NCS1: variants seen among roughly 807,000 people sequenced by gnomAD.
NCS1 encodes neuronal calcium sensor 1, also known as frequenin homolog.
In NCS1, 6 loss-of-function variants were observed where a neutral mutation model predicts 28.4. The ratio of observed to expected loss-of-function variants is 0.21; its 90% CI spans 0.12 to 0.42. The LOEUF is 0.42. Ranked by LOEUF, NCS1 falls within the 10% of genes least tolerant of loss-of-function variation. The pLI, the probability that NCS1 is intolerant of heterozygous loss-of-function variation, is 1.00. For synonymous variants in NCS1, 86 were observed against 99.3 expected (o/e 0.87, Z 0.79); for missense variants, 131 against 241.4 (o/e 0.54, Z 3.03).
intron 4 of NCS1, among the ~76,000 whole-genome samples, chr9:130,221,282 C>A (rs1267977310): frequency 2.7e-5 from 4 of 148,850 alleles, no homozygotes; most frequent in Non-Finnish European, 5.9e-5. Context: ...CCTTGGCCTT[C>A]CAAAGTGCTG....
rs1338249004 is a variant in NCS1 at position 130,192,696 on chromosome 9, C to T, written c.65-8262C>T. Among the ~76,000 whole-genome samples the T allele has an allele frequency of 1.3e-5, 2 of 152,090 alleles. No individual in the cohort carries two copies. The highest frequency in any genetic ancestry group is 4.8e-5 in the African/African-American group (2 of 41,406). On this transcript the variant is annotated intron_variant, in intron 1 of 7. Coordinates refer to ENST00000372398, the MANE Select transcript of NCS1 (RefSeq NM_014286.4). The surrounding 1 kb of genome is among the most constrained non-coding windows in gnomAD (Gnocchi z 4.8). ...GCCTTCTGAAATCACCTGATGCTGC[C>T]GTGTGACTCCAGGGAGGTTCTCCCC...
chr9:130,184,489 T>TA (rs1252667306), intron 1 of NCS1, among the ~76,000 whole-genome samples: 5 of 152,178 alleles, frequency 3.3e-5, no homozygotes, highest in African/African-American at 1.2e-4. Context: ...CCCAGGCTTT[T>TA]AATCCCTCCT....
At chr9:130,208,834 G>T (rs1554908399) in intron 2 of NCS1, among the ~76,000 whole-genome samples, 1 of 152,168 alleles carries the variant, frequency 6.6e-6, no homozygotes, top group Non-Finnish European at 1.5e-5. Context: ...TGAAGAGACT[G>T]AGGCTCAGAA....
chr9:130,186,604 C>T lies in NCS1; in HGVS notation c.64+13877C>T, dbSNP rs1440121648. 2.0e-5 allele frequency among the ~76,000 whole-genome samples: 3 copies of T among 152,134 alleles called. No homozygotes were observed. The highest frequency in any genetic ancestry group is 4.8e-5 in the African/African-American group (2 of 41,422). ...TCCAGGGCTCCCGAACCCCCAGCCC[C>T]AGGAAGGGGTGGGAGACACAGAGCT... is the stretch of plus-strand genomic sequence containing the variant. On this transcript the variant is annotated intron_variant, in intron 1 of 7. Transcript: ENST00000372398. This position sits in a 1 kb window ranked among gnomAD's most constrained non-coding sequence, Gnocchi z 4.1.
Position 130,237,295 on chromosome 9 carries a change from T to A in NCS1, c.*4323T>A, listed in dbSNP as rs2131170485. ...GCCAATTAAACACGCTTCCTGGACTTGTCCTCGCCTCCCTGTGTGGGCCTG... is the reference window on the plus strand; with the variant it reads ...GCCAATTAAACACGCTTCCTGGACTAGTCCTCGCCTCCCTGTGTGGGCCTG... On this transcript the variant is annotated 3_prime_UTR_variant, in exon 8 of 8. Transcript: ENST00000372398. 1 of 152,452 alleles carries A rather than the reference T, an allele frequency of 6.6e-6. No individual in the cohort carries two copies. The allele number at this position is 152,452 out of a possible 1,614,324, so 9.4% of individuals were successfully genotyped here.
rs1554912211 is a variant in NCS1 at position 130,232,147 on chromosome 9, G to C, written c.*18-843G>C. On this transcript the variant is annotated intron_variant, in intron 7 of 7. Transcript: ENST00000372398. This position sits in a 1 kb window ranked among gnomAD's most constrained non-coding sequence, Gnocchi z 4.4. ...TTTTTGGTAGAGACCGGGTTTCACT[G>C]TGTTGGCCAAGCTGGTCTTGAACTC... Among the ~76,000 whole-genome samples the C allele has an allele frequency of 6.6e-6, 1 of 152,052 alleles. No homozygotes were observed. Among genetic ancestry groups the C allele is most frequent in the Non-Finnish European group, 1.5e-5 (1 of 67,998 alleles).
At chr9:130,204,736 A>G (rs1393223843) in intron 2 of NCS1, among the ~76,000 whole-genome samples, 2 of 152,230 alleles carry the variant, frequency 1.3e-5, no homozygotes, top group Admixed American at 6.5e-5. Flanking sequence ...AAATGTGCTA[A>G]TTCACATAAG....
At chr9:130,199,897 G>GTTTATTCATTCA (rs1554907263) in intron 1 of NCS1, among the ~76,000 whole-genome samples, 2 of 150,506 alleles carry the variant, frequency 1.3e-5, no homozygotes, top group Non-Finnish European at 3.0e-5. Flanking sequence ...CTGTTCATGT[G>GTTTATTCATTCA]TTCATTCATT....
intron 4 of NCS1, among the ~76,000 whole-genome samples, chr9:130,221,435 G>GAGAGAA (rs1833299255): frequency 7.1e-6 from 1 of 140,916 alleles, no homozygotes; most frequent in African/African-American, 2.6e-5. Context: ...GAGAGAGAGA[G>GAGAGAA]AGAGAGAGAG....
intron 1 of NCS1, among the ~76,000 whole-genome samples, chr9:130,182,912 A>G (rs72759183): frequency 0.093 from 14,141 of 152,282 alleles, 696 homozygotes; most frequent in Non-Finnish European, 0.12. Context: ...TCACAGGTGC[A>G]GTGTGGGTTT....
intron 7 of NCS1, among the ~76,000 whole-genome samples, chr9:130,228,827 G>A (rs925209221): frequency 2.0e-5 from 3 of 151,390 alleles, no homozygotes; most frequent in South Asian, 2.1e-4. Flanking sequence ...CCACCATGGC[G>A]CCTGGCTAAT....
chr9:130,187,326 C>T (rs1029813497), intron 1 of NCS1, among the ~76,000 whole-genome samples: 19 of 152,092 alleles, frequency 1.2e-4, no homozygotes, highest in African/African-American at 3.6e-4. Context: ...CTCTGAGCAC[C>T]GTGACAAGGA....
chr9:130,222,510 A>G (rs548739905), intron 4 of NCS1, 140 bp from the exon 5 acceptor site: 1 of 711,792 alleles, frequency 1.4e-6, no homozygotes, highest in Non-Finnish European at 2.6e-6. Flanking sequence ...GTCTATCCTG[A>G]TGTAAATATT....
chr9:130,187,968 G>A (rs1437792430), intron 1 of NCS1, among the ~76,000 whole-genome samples: 2 of 152,218 alleles, frequency 1.3e-5, no homozygotes, highest in Non-Finnish European at 2.9e-5. Context: ...GCAGGAATGT[G>A]GGGACTAGGG....
intron 2 of NCS1, among the ~76,000 whole-genome samples, chr9:130,201,331 C>T (rs985901291): frequency 6.6e-5 from 10 of 152,192 alleles, no homozygotes; most frequent in African/African-American, 1.7e-4. Flanking sequence ...CCTTTCCCCT[C>T]GCTGGGGCTC....
chr9:130,172,586 G>GCCCGC lies in NCS1; in HGVS notation c.-75_-71dup. ...CAGACAAAGGCGCGGCCCCGGCCCG[G>GCCCGC]CCCGCCCGGCCCAGCCGCTCCTGCT... On this transcript the variant is annotated 5_prime_UTR_variant, in exon 1 of 8. Coordinates refer to ENST00000372398, the MANE Select transcript of NCS1 (RefSeq NM_014286.4). 2 of 773,350 alleles carry GCCCGC rather than the reference G, an allele frequency of 2.6e-6. No individual in the cohort carries two copies. Among genetic ancestry groups the GCCCGC allele is most frequent in the Non-Finnish European group, 1.6e-6 (1 of 612,226 alleles). 47.9% of individuals were successfully genotyped at this position (773,350 alleles called of 1,614,324 possible). A position where few individuals can be genotyped will look rare whatever the true frequency, so the allele number is the denominator to read the frequency against.
At chr9:130,173,202 G>GA (rs1564699913) in intron 1 of NCS1, among the ~76,000 whole-genome samples, 3 of 151,632 alleles carry the variant, frequency 2.0e-5, no homozygotes, top group African/African-American at 7.3e-5. Context: ...GTTCGTGTGG[G>GA]GGGGGGGGTG....
At position 130,222,091 on chromosome 9, in the gene NCS1, T is replaced by TAAGTTATGTATCTATAAATATATATAC. The variant is rs782087168; in HGVS notation, c.308-559_308-558insAAGTTATGTATCTATAAATATATATAC. On this transcript the variant is annotated intron_variant, in intron 4 of 7. Transcript: ENST00000372398. Reference sequence around the variant, plus strand: ...AATTATGTATCTATAAATATATATATGTGTGTGTGTATATATATATACGTA... The same window carrying TAAGTTATGTATCTATAAATATATATAC: ...AATTATGTATCTATAAATATATATATAAGTTATGTATCTATAAATATATATACGTGTGTGTGTATATATATATACGTA... Among the ~76,000 whole-genome samples the TAAGTTATGTATCTATAAATATATATAC allele has an allele frequency of 5.3e-5, 3 of 56,898 alleles. No individual in the cohort carries two copies. The East Asian group carries it at 1.9e-3, about 37-fold the overall frequency. 37.3% of individuals were successfully genotyped at this position (56,898 alleles called of 152,430 possible). A position where few individuals can be genotyped will look rare whatever the true frequency, so the allele number is the denominator to read the frequency against.
Position 130,226,606 on chromosome 9 carries a change from G to A in NCS1, c.*17+102G>A. The stretch of plus-strand genomic sequence containing the variant: ...TGGCAGGTAATTACCTGGGTCTCTG[G>A]GGGTGTTGTGGTCAGCCTAGCAGGG... On this transcript the variant is annotated intron_variant, in intron 7 of 7. Coordinates refer to ENST00000372398, the MANE Select transcript of NCS1 (RefSeq NM_014286.4). The surrounding 1 kb of genome is among the most constrained non-coding windows in gnomAD (Gnocchi z 4.8). 2 of 853,362 alleles carry A rather than the reference G, an allele frequency of 2.3e-6. No homozygotes were observed. Among genetic ancestry groups the A allele is most frequent in the Non-Finnish European group, 1.9e-6 (1 of 533,744 alleles). The allele number at this position is 853,362 out of a possible 1,614,324, so 52.9% of individuals were successfully genotyped here. A position where few individuals can be genotyped will look rare whatever the true frequency, so the allele number is the denominator to read the frequency against.
Sources: gnomAD v4.1 joint callset for allele counts (sites outside exome capture counted in the v4.1 genomes callset) on GRCh38, gnomAD v4.1.1 for gene constraint, Gnocchi (gnomAD v3.1) non-coding constraint, MANE v1.5 for transcripts, NCBI Gene and HGNC (gene_info 2026-07-23, HGNC 2026-07-21) for gene names.